Variants in MTMR10 observed in about 807,000 individuals in gnomAD.
MTMR10 encodes myotubularin related protein 10, also known as myotubularin-related protein 10.
A neutral mutation model predicts 88.1 loss-of-function variants in MTMR10; 56 were observed. The ratio of observed to expected loss-of-function variants is 0.64; its 90% CI spans 0.51 to 0.79. MTMR10 has a LOEUF of 0.79. Ranked by LOEUF, MTMR10 falls within the 30% of genes least tolerant of loss-of-function variation. MTMR10 has a pLI of 0.00. For missense variants in MTMR10, 883 were observed against 924.7 expected, an observed-to-expected ratio of 0.95 and a Z score of 0.58; for synonymous variants, 380 against 340.9, an observed-to-expected ratio of 1.11 and a Z score of -1.26.
the MTMR10 span, chr15:30,926,853 T>G: frequency 1.0e-6 from 1 of 985,378 alleles, no homozygotes; most frequent in Non-Finnish European, 1.2e-6. Context: ...TTTCCCTGAT[T>G]AAAATCGATG....
the MTMR10 span, among the ~76,000 whole-genome samples, chr15:30,931,972 C>T: frequency 5.1e-3 from 763 of 149,268 alleles, 6 homozygotes; most frequent in African/African-American, 0.018. Flanking sequence ...CCTGTAATCC[C>T]AGCACTTTGG....
chr15:30,965,578 G>A (rs2063463138), intron 6 of MTMR10, among the ~76,000 whole-genome samples: 1 of 152,146 alleles, frequency 6.6e-6, no homozygotes, highest in Non-Finnish European at 1.5e-5. Flanking sequence ...TTTCTTTAAA[G>A]TTAAAAGAGA....
chr15:30,990,876 C>G, intron 1 of MTMR10, 39 bp from the exon 2 acceptor site: 1 of 1,514,786 alleles, frequency 6.6e-7, no homozygotes, highest in Non-Finnish European at 9.0e-7. Context: ...ATCTCAATCC[C>G]CCCACCCTCC....
In MTMR10 at chr15:30,942,127, A is replaced by AG. The variant is rs2063075670; in HGVS notation, c.1732-56dup. The AG allele has an allele frequency of 5.2e-6, 8 of 1,543,672 alleles. No individual in the cohort carries two copies. The Admixed American group carries it at 9.5e-5, about 18-fold the overall frequency. On this transcript the variant is annotated intron_variant, in intron 15 of 15. Transcript: ENST00000435680. ...GGGATTCCCTTTTTAGAAAGATTGA[A>AG]GGATGCAATGGCAAATATAAACTCA...
rs74829240 is a variant in MTMR10, at chr15:30,953,892, C to T, written c.1067-261G>A. ...TTGGAGTCCAACCAACTCTGACTCC[C>T]AACAGCTAAGAATTCCAGCCGTCCC... is the stretch of plus-strand genomic sequence containing the variant. On this transcript the variant is annotated intron_variant, in intron 10 of 15. Transcript: ENST00000435680. Among the ~76,000 whole-genome samples, 734 of 152,328 alleles carry T rather than the reference C, an allele frequency of 4.8e-3. 6 individuals carry two copies. Among genetic ancestry groups the T allele is most frequent in the African/African-American group, 0.017 (700 of 41,574 alleles).
rs139219323 is a variant in MTMR10, at chr15:30,968,256, GTTAAATTTTAA to G, written c.475-257_475-247del. Reference sequence around the variant, plus strand: ...CAAGTATTCAGTAAATATTTGCTGAGTTAAATTTTAATTGGAAAGTAATTTTAGTCCAATAA... The same window carrying G: ...CAAGTATTCAGTAAATATTTGCTGAGTTGGAAAGTAATTTTAGTCCAATAA... On this transcript the variant is annotated intron_variant, in intron 5 of 15. Coordinates refer to ENST00000435680, the MANE Select transcript of MTMR10 (RefSeq NM_017762.3). The G allele has an allele frequency of 2.5e-3, 819 of 324,978 alleles. 6 individuals carry two copies. Among genetic ancestry groups the G allele is most frequent in the African/African-American group, 0.017 (778 of 46,842 alleles). The allele number at this position is 324,978 out of a possible 1,614,324, so 20.1% of individuals were successfully genotyped here.
Position 30,962,489 on chromosome 15 carries a change from G to A in MTMR10, c.566-1416C>T, listed in dbSNP as rs2063415385. Among the ~76,000 whole-genome samples, 2 of 152,290 alleles carry A rather than the reference G, an allele frequency of 1.3e-5. 1 individual carries two copies. Among genetic ancestry groups the A allele is most frequent in the African/African-American group, 4.8e-5 (2 of 41,572 alleles). On this transcript the variant is annotated intron_variant, in intron 6 of 15. Coordinates refer to ENST00000435680, the MANE Select transcript of MTMR10 (RefSeq NM_017762.3). ...GTCCCTTGCCTTAAACTTTCAATAA[G>A]CTCATTTTCCAACCAAATCAAACCT...
chr15:30,929,716 A>G, the MTMR10 span, among the ~76,000 whole-genome samples: 1 of 92,670 alleles, frequency 1.1e-5, no homozygotes, highest in East Asian at 2.7e-4. Context: ...ATCATATATA[A>G]TATATATAAA....
At chr15:30,929,126 G>GT in the MTMR10 span, 6 of 1,292,886 alleles carry the variant, frequency 4.6e-6, no homozygotes, top group South Asian at 6.8e-5. Flanking sequence ...TCCAAGTTTT[G>GT]TATGTACTGA....
At chr15:30,963,986 T>A (rs759352208) in intron 6 of MTMR10, among the ~76,000 whole-genome samples, 222 of 151,886 alleles carry the variant, frequency 1.5e-3, no homozygotes, top group Non-Finnish European at 2.5e-3. Flanking sequence ...CAGAAAAACA[T>A]ATGATAGATA....
chr15:30,929,274 G>A, the MTMR10 span: 1 of 1,613,676 alleles, frequency 6.2e-7, no homozygotes, highest in Non-Finnish European at 8.5e-7. Context: ...CCAGGCTGCA[G>A]CTGATTCATG....
intron 2 of MTMR10, among the ~76,000 whole-genome samples, chr15:30,989,602 A>G (rs565526979): frequency 7.5e-6 from 1 of 134,190 alleles, no homozygotes. Context: ...TTTTTTTTTG[A>G]GACGGTGTCT....
Position 30,974,298 on chromosome 15 carries a change from A to T in MTMR10, c.474+16T>A. 1 of 1,566,676 alleles carries T rather than the reference A, an allele frequency of 6.4e-7. No homozygotes were observed. The highest frequency in any genetic ancestry group is 8.7e-7 in the Non-Finnish European group (1 of 1,154,850). On this transcript the variant is annotated intron_variant, in intron 5 of 15. Coordinates refer to ENST00000435680, the MANE Select transcript of MTMR10 (RefSeq NM_017762.3). The stretch of plus-strand genomic sequence containing the variant: ...CAGTACAGAACCCAGAACTTGATAA[A>T]CCTTAACAGTATTACCTTTTTAGCA...
At chr15:30,974,150 A>G (rs1160806046) in intron 5 of MTMR10, among the ~76,000 whole-genome samples, 164 bp downstream of exon 5, 1 of 152,130 alleles carries the variant, frequency 6.6e-6, no homozygotes, top group Non-Finnish European at 1.5e-5. Flanking sequence ...CAATCCAAGA[A>G]AATAGTTCTA....
At chr15:30,942,219 T>G (rs1029786218) in intron 15 of MTMR10, 147 bp from the exon 16 acceptor site, 7 of 988,366 alleles carry the variant, frequency 7.1e-6, no homozygotes, top group Non-Finnish European at 1.0e-5. Flanking sequence ...TGTGTCCTTA[T>G]TCTAATCCTC....
At chr15:30,961,725 TC>T (rs1226899699) in intron 6 of MTMR10, among the ~76,000 whole-genome samples, 12 of 152,212 alleles carry the variant, frequency 7.9e-5, no homozygotes, top group Non-Finnish European at 1.2e-4. Flanking sequence ...TATACATTTT[TC>T]TTCCTTCCTT....
chr15:30,990,929 T>G, intron 1 of MTMR10, 92 bp from the exon 2 acceptor site: 1 of 1,067,652 alleles, frequency 9.4e-7, no homozygotes, highest in Non-Finnish European at 1.4e-6. Flanking sequence ...TGATGACACA[T>G]GCGAAAGACA....
At chr15:30,951,151 G>A (rs187654319) in intron 12 of MTMR10, among the ~76,000 whole-genome samples, 396 of 152,316 alleles carry the variant, frequency 2.6e-3, no homozygotes, top group Non-Finnish European at 4.5e-3. Context: ...TTAGCTGTAA[G>A]TTATTTAATA....
At chr15:30,920,902 G>A in the MTMR10 span, among the ~76,000 whole-genome samples, 1 of 152,182 alleles carries the variant, frequency 6.6e-6, no homozygotes, top group Non-Finnish European at 1.5e-5. Context: ...TCTCACCTCA[G>A]CCTCCTGAGT....
Sources: allele counts gnomAD v4.1 joint callset (sites outside exome capture counted in the v4.1 genomes callset), GRCh38; gene constraint gnomAD v4.1.1; transcripts MANE v1.5; gene names NCBI Gene and HGNC (gene_info 2026-07-23, HGNC 2026-07-21).